Variants in CCDC7 observed in about 807,000 individuals in gnomAD.
CCDC7 encodes coiled-coil domain-containing protein 7.
Under a neutral mutation model 196.9 loss-of-function variants are expected in CCDC7, and 183 were observed. The ratio of observed to expected loss-of-function variants is 0.93; its 90% CI spans 0.82 to 1.05. CCDC7 has a LOEUF of 1.05. Among genes scored for constraint, CCDC7 ranks in the 50% least tolerant of loss-of-function variants. The pLI, the probability that CCDC7 is intolerant of heterozygous loss-of-function variation, is 0.00. For missense variants in CCDC7, 1,540 were observed against 1,482.2 expected (o/e 1.04, Z -0.64); for synonymous variants, 525 against 484.6 (o/e 1.08, Z -1.10).
chr10:32,523,010 G>A (rs935877570), intron 11 of CCDC7, among the ~76,000 whole-genome samples: 3 of 151,456 alleles, frequency 2.0e-5, no homozygotes, highest in Non-Finnish European at 2.9e-5. Context: ...TTATTTCATT[G>A]TTGTCAGGGA....
chr10:32,621,441 C>T (rs535637998), intron 18 of CCDC7, among the ~76,000 whole-genome samples: 5 of 152,262 alleles, frequency 3.3e-5, no homozygotes, highest in Admixed American at 1.3e-4. Flanking sequence ...CCCCCAGAAA[C>T]GGAACCAATA....
At chr10:32,767,386 G>A (rs1202021857) in intron 28 of CCDC7, among the ~76,000 whole-genome samples, 1 of 152,146 alleles carries the variant, frequency 6.6e-6, no homozygotes, top group Non-Finnish European at 1.5e-5. Context: ...AGGGAGCCAA[G>A]TGGTATAAAA....
chr10:32,807,731 GCATTGCTCT>G (rs2086138784), intron 30 of CCDC7, among the ~76,000 whole-genome samples: 1 of 151,708 alleles, frequency 6.6e-6, no homozygotes, highest in African/African-American at 2.4e-5. Context: ...CTGACCAGTG[GCATTGCTCT>G]AGAGAGGGAG....
chr10:32,828,485 G>GGAAGAAGAAGAAGAAGAAGAAAGAAGAA lies in CCDC7; in HGVS notation c.3268+3902_3268+3903insAGAAGAAGAAGAAGAAGAAGAAGAAGAA, dbSNP rs2091624014. 5.6e-4 allele frequency among the ~76,000 whole-genome samples: 28 copies of GGAAGAAGAAGAAGAAGAAGAAAGAAGAA among 49,752 alleles called. 1 individual carries two copies. Among genetic ancestry groups the GGAAGAAGAAGAAGAAGAAGAAAGAAGAA allele is most frequent in the African/African-American group, 1.7e-3 (27 of 16,020 alleles). The allele number at this position is 49,752 out of a possible 152,430, so 32.6% of individuals were successfully genotyped here. ...AAGAAGAGGAAGAGGAAGAGGAAGA[G>GGAAGAAGAAGAAGAAGAAGAAAGAAGAA]GAAGAAGAAGAAGAAGAAGAAGAAG... On this transcript the variant is annotated intron_variant, in intron 32 of 41. Transcript: ENST00000639629.
chr10:32,723,095 C>T (rs1592057751), intron 25 of CCDC7, among the ~76,000 whole-genome samples: 1 of 152,072 alleles, frequency 6.6e-6, no homozygotes, highest in Admixed American at 6.6e-5. Flanking sequence ...GCAGACCACC[C>T]TGTAGGGCCC....
chr10:32,460,125 C>T (rs147335441), intron 3 of CCDC7, among the ~76,000 whole-genome samples: 2 of 152,028 alleles, frequency 1.3e-5, no homozygotes, highest in Admixed American at 1.3e-4. Context: ...GATAAATTCA[C>T]CTATATTAAA....
intron 23 of CCDC7, among the ~76,000 whole-genome samples, chr10:32,693,872 G>T (rs1242660178): frequency 6.6e-6 from 1 of 152,152 alleles, no homozygotes; most frequent in Non-Finnish European, 1.5e-5. Flanking sequence ...TCGAGGGCTG[G>T]CTCCCCCCTT....
At chr10:32,701,367 C>A (rs1343595025) in intron 24 of CCDC7, among the ~76,000 whole-genome samples, 1 of 152,062 alleles carries the variant, frequency 6.6e-6, no homozygotes, top group Non-Finnish European at 1.5e-5. Context: ...GGGATGAAGC[C>A]CATTTGATCA....
At chr10:32,794,860 CT>C (rs1032523396) in intron 29 of CCDC7, among the ~76,000 whole-genome samples, 14 of 152,238 alleles carry the variant, frequency 9.2e-5, no homozygotes, top group African/African-American at 3.4e-4. Flanking sequence ...ACAGATCAGA[CT>C]TTCCCCAGTT....
At chr10:32,766,176 G>T (rs2078263207) in intron 28 of CCDC7, among the ~76,000 whole-genome samples, 1 of 152,038 alleles carries the variant, frequency 6.6e-6, no homozygotes, top group South Asian at 2.1e-4. Context: ...ATGTTTAGAA[G>T]TCTAGTGGAA....
At chr10:32,773,198 G>A (rs1279296433) in intron 28 of CCDC7, among the ~76,000 whole-genome samples, 1 of 152,082 alleles carries the variant, frequency 6.6e-6, no homozygotes, top group Non-Finnish European at 1.5e-5. Context: ...CCTATACCTG[G>A]ATGCTGTTTT....
At chr10:32,477,778 G>T (rs2039279286) in intron 8 of CCDC7, among the ~76,000 whole-genome samples, 1 of 152,118 alleles carries the variant, frequency 6.6e-6, no homozygotes, top group Non-Finnish European at 1.5e-5. Flanking sequence ...GGTAGTGTCA[G>T]TCCTCCAACT....
chr10:32,728,897 A>G, exon 27 of CCDC7: 1 of 1,591,250 alleles, frequency 6.3e-7, no homozygotes, highest in East Asian at 2.2e-5. Flanking sequence ...CTCGTATTGT[A>G]GTACCAAATG....
At chr10:32,563,899 T>C (rs11008978) in intron 13 of CCDC7, among the ~76,000 whole-genome samples, 51,831 of 151,248 alleles carry the variant, frequency 0.34, 11,314 homozygotes, top group Non-Finnish European at 0.49. Context: ...GCAACCTACT[T>C]ATCTGACAAA....
intron 31 of CCDC7, among the ~76,000 whole-genome samples, chr10:32,815,897 C>T (rs977869393): frequency 1.3e-5 from 2 of 152,174 alleles, no homozygotes; most frequent in African/African-American, 4.8e-5. Flanking sequence ...GGAACAGCTC[C>T]AGTCCACAGC....
chr10:32,778,512 G>A (rs1483279818), intron 28 of CCDC7, among the ~76,000 whole-genome samples: 3 of 152,138 alleles, frequency 2.0e-5, no homozygotes, highest in Non-Finnish European at 1.5e-5. Context: ...TTATTTCTGG[G>A]TTCTCTACTC....
chr10:32,608,124 C>A (rs2061718938), intron 18 of CCDC7, among the ~76,000 whole-genome samples: 1 of 152,044 alleles, frequency 6.6e-6, no homozygotes, highest in African/African-American at 2.4e-5. Context: ...CTCTGATGAT[C>A]TTTTGTATTT....
At chr10:32,682,231 T>C (rs2075956481) in intron 21 of CCDC7, among the ~76,000 whole-genome samples, 1 of 152,182 alleles carries the variant, frequency 6.6e-6, no homozygotes, top group Non-Finnish European at 1.5e-5. Flanking sequence ...TGTCCATGTG[T>C]ACTCAATGTT....
rs138907198 is a variant in CCDC7, at chr10:32,548,753, T to C, written c.1134+4452T>C. On this transcript the variant is annotated intron_variant, in intron 13 of 41. Transcript: ENST00000639629. ...CAAATGCTATTAATTCATTCCTTTT[T>C]ATGGCTGAGTAGTATTCCATCATAT... 7.0e-3 allele frequency among the ~76,000 whole-genome samples: 1,072 copies of C among 152,354 alleles called. 13 individuals carry two copies. Among genetic ancestry groups the C allele is most frequent in the African/African-American group, 0.025 (1,023 of 41,580 alleles).
Sources: allele counts gnomAD v4.1 joint callset (sites outside exome capture counted in the v4.1 genomes callset), GRCh38; gene constraint gnomAD v4.1.1; transcripts MANE v1.5; gene names NCBI Gene and HGNC (gene_info 2026-07-23, HGNC 2026-07-21).